The following ANK3 variants were observed in gnomAD, a reference collection of about 807,000 sequenced individuals.
The protein encoded by ANK3 is ankyrin 3.
In ANK3, 57 loss-of-function variants were observed where a neutral mutation model predicts 370.9. The observed-to-expected ratio is 0.15, with a 90% CI of 0.12 to 0.19. The LOEUF (loss-of-function observed/expected upper bound fraction) is 0.19, where lower values mean the gene tolerates loss of function less well. Among genes scored for constraint, ANK3 ranks in the 10% least tolerant of loss-of-function variants. The pLI is 1.00. For synonymous variants in ANK3, 1,929 were observed against 1,946.3 expected (o/e 0.99, Z 0.23); for missense variants, 4,439 against 5,302.1 (o/e 0.84, Z 5.06).
intron 1 of ANK3, among the ~76,000 whole-genome samples, chr10:60,695,383 G>T (rs7898063): frequency 2.6e-5 from 4 of 151,810 alleles, no homozygotes; most frequent in Middle Eastern, 6.3e-3. Flanking sequence ...ATTGAACTCA[G>T]CTCTGCACCA....
intron 1 of ANK3, among the ~76,000 whole-genome samples, chr10:60,715,165 C>T (rs1442556): frequency 0.29 from 44,326 of 151,078 alleles, 7,039 homozygotes; most frequent in South Asian, 0.48. Context: ...ATAAAGTCTA[C>T]AATTGTTTTA....
chr10:60,463,709 C>T lies in ANK3; in HGVS notation c.96+151477G>A, dbSNP rs1388961815. Among the ~76,000 whole-genome samples, 104 of 135,026 alleles carry T rather than the reference C, an allele frequency of 7.7e-4. 1 individual carries two copies. Among genetic ancestry groups the T allele is most frequent in the African/African-American group, 2.7e-3 (101 of 36,728 alleles). 88.6% of individuals were successfully genotyped at this position (135,026 alleles called of 152,430 possible). A position where few individuals can be genotyped will look rare whatever the true frequency, so the allele number is the denominator to read the frequency against. ...AAAAAAACCCAAACCAAATAATTTT[C>T]CAGGAGATTTTTTTTTGAGACAGAT... On this transcript the variant is annotated intron_variant, in intron 2 of 43. Transcript: ENST00000373827.
At chr10:60,182,379 T>C (rs2132348462) in intron 17 of ANK3, among the ~76,000 whole-genome samples, 1 of 152,292 alleles carries the variant, frequency 6.6e-6, no homozygotes, top group Non-Finnish European at 1.5e-5. Flanking sequence ...ATTAGAGAAT[T>C]TGCAGAACAC....
chr10:60,572,342 C>A, intron 2 of ANK3: 1 of 976,564 alleles, frequency 1.0e-6, no homozygotes, highest in Non-Finnish European at 1.5e-6. Flanking sequence ...AAAACAAAAG[C>A]ATTCAGATTC....
intron 1 of ANK3, among the ~76,000 whole-genome samples, chr10:60,669,628 T>G (rs1034536138): frequency 6.6e-6 from 1 of 152,184 alleles, no homozygotes; most frequent in African/African-American, 2.4e-5. Context: ...CCTTGAACAG[T>G]TGACACACTA....
At chr10:60,363,437 C>A (rs912765324) in intron 1 of ANK3, among the ~76,000 whole-genome samples, 1 of 152,178 alleles carries the variant, frequency 6.6e-6, no homozygotes, top group African/African-American at 2.4e-5. Flanking sequence ...CCACTTGTAT[C>A]TGGATAGAGG....
chr10:60,487,994 C>G (rs7912595), intron 2 of ANK3, among the ~76,000 whole-genome samples: 4,844 of 152,100 alleles, frequency 0.032, 253 homozygotes, highest in African/African-American at 0.11. Flanking sequence ...TTATACTTTT[C>G]AAAACCCTGG....
At chr10:60,675,924 G>T (rs2079119303) in intron 1 of ANK3, among the ~76,000 whole-genome samples, 1 of 151,430 alleles carries the variant, frequency 6.6e-6, no homozygotes, top group African/African-American at 2.4e-5. Flanking sequence ...TTGAAATATT[G>T]AGATAATTGG....
rs755755393 is a variant in ANK3, at chr10:60,166,813, C to T, written c.2551+11G>A. On this transcript the variant is annotated intron_variant, in intron 22 of 43. Transcript: ENST00000280772. ...TTATAATTATTGTGAACTCAAAGAA[C>T]ATTTTCATACCTTCATCATCAGACA... 1 of 1,612,986 alleles carries T rather than the reference C, an allele frequency of 6.2e-7. No homozygotes were observed. Among genetic ancestry groups the T allele is most frequent in the South Asian group, 1.1e-5 (1 of 91,028 alleles).
intron 1 of ANK3, among the ~76,000 whole-genome samples, chr10:60,318,888 T>C (rs553760090): frequency 1.8e-3 from 270 of 152,332 alleles, no homozygotes; most frequent in Non-Finnish European, 3.3e-3. Context: ...AAAACTTTCC[T>C]GAATCTAAGA....
At chr10:60,506,100 T>A (rs1410168912) in intron 2 of ANK3, among the ~76,000 whole-genome samples, 1 of 152,118 alleles carries the variant, frequency 6.6e-6, no homozygotes, top group Non-Finnish European at 1.5e-5. Flanking sequence ...TATTTTATAT[T>A]TTTTAAAATA....
At chr10:60,492,504 G>A (rs1295878330) in intron 2 of ANK3, among the ~76,000 whole-genome samples, 10 of 151,584 alleles carry the variant, frequency 6.6e-5, no homozygotes, top group East Asian at 2.0e-4. Flanking sequence ...TCAGGAGATC[G>A]AGACTATCCT....
chr10:60,628,494 T>C (rs2078439613), intron 1 of ANK3, among the ~76,000 whole-genome samples: 1 of 152,180 alleles, frequency 6.6e-6, no homozygotes, highest in Admixed American at 6.5e-5. Context: ...AGTGCTGAAT[T>C]ATGACCCTAT....
intron 43 of ANK3, among the ~76,000 whole-genome samples, chr10:60,030,106 G>C (rs898740787): frequency 3.3e-5 from 5 of 151,518 alleles, no homozygotes; most frequent in African/African-American, 7.3e-5. Flanking sequence ...GCTTATTATT[G>C]TATCTGTGTT....
chr10:60,307,715 T>C (rs2045455174), intron 1 of ANK3, among the ~76,000 whole-genome samples: 1 of 152,046 alleles, frequency 6.6e-6, no homozygotes, highest in Admixed American at 6.5e-5. Context: ...ATTGAAAAAA[T>C]GGTAGAAACC....
chr10:60,671,871 C>T (rs939248792), intron 1 of ANK3, among the ~76,000 whole-genome samples: 1 of 152,232 alleles, frequency 6.6e-6, no homozygotes, highest in African/African-American at 2.4e-5. Flanking sequence ...TAGCCTCCTG[C>T]AAAAGATCAG....
At chr10:60,343,252 A>T (rs959263103) in intron 1 of ANK3, among the ~76,000 whole-genome samples, 6 of 152,222 alleles carry the variant, frequency 3.9e-5, no homozygotes, top group African/African-American at 1.4e-4. Context: ...TCAATAATCT[A>T]AAGTTAGTGG....
chr10:60,430,458 A>G (rs1245937088), intron 2 of ANK3, among the ~76,000 whole-genome samples: 2 of 144,058 alleles, frequency 1.4e-5, no homozygotes, highest in African/African-American at 5.2e-5. Context: ...GGGCTTCTCT[A>G]TTCTCAGAAT....
chr10:60,674,764 T>G (rs1271871668), intron 1 of ANK3, among the ~76,000 whole-genome samples: 1 of 152,232 alleles, frequency 6.6e-6, no homozygotes, highest in African/African-American at 2.4e-5. Context: ...ACTGTTCTGA[T>G]TTATATAGCC....
Sources: gnomAD v4.1 joint callset for allele counts (sites outside exome capture counted in the v4.1 genomes callset) on GRCh38, gnomAD v4.1.1 for gene constraint, MANE v1.5 for transcripts, NCBI Gene and HGNC (gene_info 2026-07-23, HGNC 2026-07-21) for gene names.